The following TVP23C variants were observed in gnomAD, a reference collection of about 807,000 sequenced individuals.
TVP23C encodes the protein trans-golgi network vesicle protein 23 homolog C, also known as Golgi apparatus membrane protein TVP23 homolog C.
In TVP23C, 19 loss-of-function variants were observed where a neutral mutation model predicts 28.7. That is an observed-to-expected ratio of 0.66 (90% confidence interval 0.46 to 0.97). TVP23C has a LOEUF of 0.97. Among genes scored for constraint, TVP23C ranks in the 50% least tolerant of loss-of-function variants. The probability of loss-of-function intolerance (pLI) is 0.00; values close to 1 mark genes in which losing one functional copy is unlikely to be tolerated. For missense variants in TVP23C, 186 were observed against 241.3 expected (o/e 0.77, Z 1.52); for synonymous variants, 68 against 81.7 (o/e 0.83, Z 0.90).
chr17:15,505,282 G>A (rs961529490), intron 5 of TVP23C, among the ~76,000 whole-genome samples: 1 of 152,132 alleles, frequency 6.6e-6, no homozygotes, highest in African/African-American at 2.4e-5. Flanking sequence ...TTGATCCAAG[G>A]TGATGTTGAT....
intron 5 of TVP23C, among the ~76,000 whole-genome samples, chr17:15,529,528 A>AT (rs984032831): frequency 2.0e-5 from 3 of 151,406 alleles, no homozygotes; most frequent in Non-Finnish European, 2.9e-5. Context: ...ATGTTGTGGG[A>AT]TTTTTTAAGT....
Position 15,539,603 on chromosome 17 carries a change from A to G in TVP23C, c.*809T>C, listed in dbSNP as rs774282090. On this transcript the variant is annotated 3_prime_UTR_variant, in exon 6 of 6. Transcript: ENST00000518321. ...GGGCGACAGAGCAAGACTCCATCTC[A>G]AGAAAAAAAAAAAAAAAGACCTAGT... The G allele has an allele frequency of 1.0e-6, 1 of 967,350 alleles. No homozygotes were observed. Among genetic ancestry groups the G allele is most frequent in the Non-Finnish European group, 1.2e-6 (1 of 814,284 alleles). The allele number at this position is 967,350 out of a possible 1,614,324, so 59.9% of individuals were successfully genotyped here.
exon 6 of TVP23C, chr17:15,502,897 C>A: frequency 6.3e-7 from 1 of 1,593,222 alleles, no homozygotes; most frequent in Non-Finnish European, 8.6e-7. Flanking sequence ...GAAATTTTGG[C>A]CCGGGCTCAC....
rs1029192858 is a variant in TVP23C, at chr17:15,505,794, G to A, written c.463-2562C>T. ...CTTGGCGGGCCCCGCACTCGGAGCA[G>A]CCGGCCAGCCCTGCTGCCCCGGGCA... On this transcript the variant is annotated intron_variant, in intron 5 of 5. Coordinates refer to the TVP23C transcript ENST00000225576. 1.8e-4 allele frequency among the ~76,000 whole-genome samples: 9 copies of A among 48,842 alleles called. No individual in the cohort carries two copies. The South Asian group carries it at 5.6e-3, about 30-fold the overall frequency. 32.0% of individuals were successfully genotyped at this position (48,842 alleles called of 152,430 possible).
At chr17:15,552,451 G>A (rs1983935364) in intron 3 of TVP23C, among the ~76,000 whole-genome samples, 1 of 152,198 alleles carries the variant, frequency 6.6e-6, no homozygotes, top group South Asian at 2.1e-4. Context: ...GGAGGCTGAG[G>A]CGGGCAGATC....
intron 5 of TVP23C, among the ~76,000 whole-genome samples, chr17:15,529,952 C>A (rs1371960462): frequency 6.6e-6 from 1 of 152,050 alleles, no homozygotes; most frequent in African/African-American, 2.4e-5. Flanking sequence ...GTGCCCACCA[C>A]CACACCCAGC....
At chr17:15,518,802 C>T (rs945777973) in intron 5 of TVP23C, among the ~76,000 whole-genome samples, 4 of 152,160 alleles carry the variant, frequency 2.6e-5, no homozygotes, top group African/African-American at 9.7e-5. Flanking sequence ...TTTTCCAACC[C>T]TTCCTCAGGC....
chr17:15,559,173 G>A (rs1365359938), intron 1 of TVP23C, among the ~76,000 whole-genome samples: 2 of 147,538 alleles, frequency 1.4e-5, no homozygotes, highest in African/African-American at 4.9e-5. Context: ...GGCCCCGTCA[G>A]GTTCTTTTGC....
intron 5 of TVP23C, among the ~76,000 whole-genome samples, chr17:15,512,773 T>C (rs906543760): frequency 1.3e-5 from 2 of 152,218 alleles, no homozygotes; most frequent in African/African-American, 2.4e-5. Flanking sequence ...AGCCATTGTA[T>C]TTCAAGCAAG....
chr17:15,538,061 A>T lies in TVP23C; in HGVS notation c.*2351T>A. The T allele has an allele frequency of 6.2e-7, 1 of 1,604,190 alleles. No homozygotes were observed. Among genetic ancestry groups the T allele is most frequent in the Non-Finnish European group, 8.5e-7 (1 of 1,176,240 alleles). ...CTCGTTGCAACATGGACTAAGCTCTAAAAGGTTGAGTCAAGAATCTCTTCA... is the reference window on the plus strand; with the variant it reads ...CTCGTTGCAACATGGACTAAGCTCTTAAAGGTTGAGTCAAGAATCTCTTCA... On this transcript the variant is annotated 3_prime_UTR_variant, in exon 6 of 6. Transcript: ENST00000518321.
rs1441597631 is a variant in TVP23C at position 15,541,950 on chromosome 17, T to A, written c.463-1389A>T. 3.9e-5 allele frequency among the ~76,000 whole-genome samples: 6 copies of A among 152,182 alleles called. No individual in the cohort carries two copies. In the South Asian group the frequency reaches 1.2e-3, roughly 32 times the overall value. On this transcript the variant is annotated intron_variant, in intron 5 of 5. Transcript: ENST00000518321. ...TACTCAATGGCAACAAATGTTAAAA[T>A]CTGTAAGTTAAACTTCTGGTTTAAG...
intron 4 of TVP23C, among the ~76,000 whole-genome samples, chr17:15,546,553 T>C (rs146602275): frequency 0.083 from 12,539 of 150,704 alleles, 650 homozygotes; most frequent in African/African-American, 0.13. Flanking sequence ...ATATTCACTA[T>C]AGTGTAGCAG....
chr17:15,518,350 G>A (rs1442922734), intron 5 of TVP23C, among the ~76,000 whole-genome samples: 1 of 152,022 alleles, frequency 6.6e-6, no homozygotes, highest in Non-Finnish European at 1.5e-5. Context: ...TGTATCAACG[G>A]CACATCCAAG....
At position 15,515,203 on chromosome 17, in the gene TVP23C, A is replaced by G. The variant is rs572830377; in HGVS notation, c.463-11971T>C. Reference sequence around the variant, plus strand: ...GGACAAAGGAAAAACGTGCAAAGGTATAACGTACACTCCAGAGTCTCCCTG... The same window carrying G: ...GGACAAAGGAAAAACGTGCAAAGGTGTAACGTACACTCCAGAGTCTCCCTG... On this transcript the variant is annotated intron_variant, in intron 5 of 5. Transcript: ENST00000225576. 7.2e-4 allele frequency among the ~76,000 whole-genome samples: 109 copies of G among 152,272 alleles called. 1 individual carries two copies. The highest frequency in any genetic ancestry group is 2.9e-5 in the Non-Finnish European group (2 of 68,004).
chr17:15,549,286 T>C (rs1048749264), intron 3 of TVP23C, among the ~76,000 whole-genome samples: 3 of 152,074 alleles, frequency 2.0e-5, no homozygotes, highest in Non-Finnish European at 2.9e-5. Context: ...TGGTCATTAA[T>C]TGGATATGGA....
rs1225588076 is a variant in TVP23C, at chr17:15,546,924, A to G, written c.330+135T>C. 3 of 919,192 alleles carry G rather than the reference A, an allele frequency of 3.3e-6. No homozygotes were observed. In the African/African-American group the frequency reaches 5.1e-5, roughly 16 times the overall value. The allele number at this position is 919,192 out of a possible 1,614,324, so 56.9% of individuals were successfully genotyped here. The stretch of plus-strand genomic sequence containing the variant: ...AAAATGCATTAAATTCTAGAAGGCC[A>G]TCTCCTTTAGTGCTGACATGCCAAG... On this transcript the variant is annotated intron_variant, in intron 4 of 5. Coordinates refer to ENST00000518321, the MANE Select transcript of TVP23C (RefSeq NM_001135036.2).
chr17:15,522,298 T>C (rs921163783), intron 5 of TVP23C, among the ~76,000 whole-genome samples: 4 of 152,176 alleles, frequency 2.6e-5, no homozygotes, highest in Admixed American at 2.0e-4. Context: ...TATAAAAGAC[T>C]GATAATTTTA....
rs1449347410 is a variant in TVP23C at position 15,546,688 on chromosome 17, C to T, written c.330+371G>A. On this transcript the variant is annotated intron_variant, in intron 4 of 5. Transcript: ENST00000518321. Reference sequence around the variant, plus strand: ...CTTTTTCCTGCCCAGAAATGAAAGACGACCACAGGAGCAAAGACAGAACAA... The same window carrying T: ...CTTTTTCCTGCCCAGAAATGAAAGATGACCACAGGAGCAAAGACAGAACAA... Among the ~76,000 whole-genome samples, 12 of 147,694 alleles carry T rather than the reference C, an allele frequency of 8.1e-5. 1 individual carries two copies. The East Asian group carries it at 2.3e-3, about 28-fold the overall frequency.
At chr17:15,527,953 A>G (rs552981867) in intron 5 of TVP23C, among the ~76,000 whole-genome samples, 1 of 152,378 alleles carries the variant, frequency 6.6e-6, no homozygotes, top group African/African-American at 2.4e-5. Flanking sequence ...ATCGCTTTAC[A>G]AAAGCATTCA....
Sources: allele counts gnomAD v4.1 joint callset (sites outside exome capture counted in the v4.1 genomes callset), GRCh38; gene constraint gnomAD v4.1.1; transcripts MANE v1.5; gene names NCBI Gene and HGNC (gene_info 2026-07-23, HGNC 2026-07-21).